Variants in HSD11B1 observed in about 807,000 individuals in gnomAD.
HSD11B1 encodes the protein 11-beta-hydroxysteroid dehydrogenase 1.
A neutral mutation model predicts 22.1 loss-of-function variants in HSD11B1; 15 were observed. The observed-to-expected ratio is 0.68, with a 90% confidence interval of 0.45 to 1.04. The LOEUF (loss-of-function observed/expected upper bound fraction) is 1.04. Among genes scored for constraint, HSD11B1 ranks in the 50% least tolerant of loss-of-function variants. HSD11B1 has a pLI of 0.00. For missense variants in HSD11B1, 281 were observed against 357.6 expected, an observed-to-expected ratio of 0.79 and a Z score of 1.73; for synonymous variants, 122 against 125.2, an observed-to-expected ratio of 0.97 and a Z score of 0.17.
chr1:209,716,753 A>G (rs1163721960), intron 4 of HSD11B1, among the ~76,000 whole-genome samples: 3 of 152,180 alleles, frequency 2.0e-5, no homozygotes, highest in Non-Finnish European at 4.4e-5. Context: ...AAATAAACCG[A>G]TGTATTCACA....
At chr1:209,715,858 A>G (rs1033298024) in intron 4 of HSD11B1, among the ~76,000 whole-genome samples, 4 of 152,206 alleles carry the variant, frequency 2.6e-5, no homozygotes, top group Non-Finnish European at 5.9e-5. Flanking sequence ...AAAGTTAAAC[A>G]AGGAAGACGG....
intron 1 of HSD11B1, among the ~76,000 whole-genome samples, chr1:209,687,464 T>G (rs1310535832): frequency 6.6e-6 from 1 of 152,248 alleles, no homozygotes; most frequent in Admixed American, 6.5e-5. Flanking sequence ...ATCCTAGCTC[T>G]TTCTTTATAC....
At chr1:209,703,252 T>A (rs1212025668), upstream of HSD11B1, among the ~76,000 whole-genome samples, 1 of 152,206 alleles carries the variant, frequency 6.6e-6, no homozygotes, top group Non-Finnish European at 1.5e-5. Flanking sequence ...TCCAAATAAC[T>A]TTTCATTGTT....
chr1:209,727,056 A>G (rs543403487), intron 4 of HSD11B1, among the ~76,000 whole-genome samples: 3 of 152,356 alleles, frequency 2.0e-5, no homozygotes, highest in South Asian at 4.1e-4. Context: ...GATGTAACTA[A>G]GATCTCAAGA....
At chr1:209,707,815 G>T (rs760752564) in intron 4 of HSD11B1, among the ~76,000 whole-genome samples, 2 of 152,088 alleles carry the variant, frequency 1.3e-5, no homozygotes, top group African/African-American at 2.4e-5. Context: ...ATGACCAAAA[G>T]GTTGGTGAAG....
At chr1:209,690,580 C>T (rs1338127525) in intron 1 of HSD11B1, among the ~76,000 whole-genome samples, 3 of 152,050 alleles carry the variant, frequency 2.0e-5, no homozygotes, top group East Asian at 3.9e-4. Context: ...ACCTGTAATC[C>T]CATCTACTCA....
chr1:209,711,877 A>G (rs2076898213), intron 4 of HSD11B1, among the ~76,000 whole-genome samples: 2 of 151,792 alleles, frequency 1.3e-5, no homozygotes, highest in Non-Finnish European at 2.9e-5. Context: ...AGGGAGGAAG[A>G]CTCTTTGATG....
intron 4 of HSD11B1, 64 bp from the exon 5 acceptor site, chr1:209,732,372 T>C (rs2077040840): frequency 2.5e-6 from 4 of 1,570,836 alleles, no homozygotes; most frequent in Non-Finnish European, 3.5e-6. Flanking sequence ...CAAAGCCTAC[T>C]ACAGCTCTGT....
chr1:209,686,993 T>C (rs1194923286), intron 1 of HSD11B1, among the ~76,000 whole-genome samples: 2 of 152,212 alleles, frequency 1.3e-5, no homozygotes, highest in African/African-American at 4.8e-5. Flanking sequence ...TCCCAACACT[T>C]GTTTCAGGTC....
At chr1:209,733,675 CAT>C (rs1273354086) in intron 5 of HSD11B1, among the ~76,000 whole-genome samples, 2 of 152,016 alleles carry the variant, frequency 1.3e-5, no homozygotes, top group Non-Finnish European at 2.9e-5. Context: ...TTATCTAAAA[CAT>C]GTGGCAGATA....
At chr1:209,700,097 T>A (rs2076817517), upstream of HSD11B1, among the ~76,000 whole-genome samples, 1 of 152,160 alleles carries the variant, frequency 6.6e-6, no homozygotes, top group Admixed American at 6.5e-5. Context: ...GGATCTACCA[T>A]TCTGGGGTCT....
intron 1 of HSD11B1, among the ~76,000 whole-genome samples, chr1:209,689,415 C>G (rs1377811367): frequency 1.3e-5 from 2 of 152,174 alleles, no homozygotes; most frequent in African/African-American, 2.4e-5. Flanking sequence ...CCCTCACACA[C>G]AAAGCTTCCA....
At chr1:209,705,242 A>G (rs1403463754) in intron 1 of HSD11B1, among the ~76,000 whole-genome samples, 1 of 152,130 alleles carries the variant, frequency 6.6e-6, no homozygotes, top group Non-Finnish European at 1.5e-5. Flanking sequence ...AAATCTAGCC[A>G]AATAGGCCAT....
Position 209,705,773 on chromosome 1 carries a change from C to T in HSD11B1, c.89-38C>T, listed in dbSNP as rs1403052039. On this transcript the variant is annotated intron_variant, in intron 1 of 5. Coordinates refer to ENST00000367027, the MANE Select transcript of HSD11B1 (RefSeq NM_005525.4). Reference sequence around the variant, plus strand: ...GAGGGAGAAGGAATTTTGCTGCCAACTTGGGTATGGTCCTCACTTCCTTTT... The same window carrying T: ...GAGGGAGAAGGAATTTTGCTGCCAATTTGGGTATGGTCCTCACTTCCTTTT... 4 of 1,612,092 alleles carry T rather than the reference C, an allele frequency of 2.5e-6. No homozygotes were observed. The African/African-American group carries it at 4.0e-5, about 16-fold the overall frequency.
intron 4 of HSD11B1, among the ~76,000 whole-genome samples, chr1:209,713,486 C>A (rs1471330252): frequency 6.6e-6 from 1 of 152,098 alleles, no homozygotes; most frequent in Non-Finnish European, 1.5e-5. Flanking sequence ...CTTTTCATAA[C>A]CTTTTATGAG....
chr1:209,711,055 G>A (rs1189224797), intron 4 of HSD11B1, among the ~76,000 whole-genome samples: 1 of 152,212 alleles, frequency 6.6e-6, no homozygotes, highest in Non-Finnish European at 1.5e-5. Context: ...CAAACCAACA[G>A]ATGAAGTCAC....
At chr1:209,708,190 A>G (rs2076872714) in intron 4 of HSD11B1, among the ~76,000 whole-genome samples, 1 of 152,186 alleles carries the variant, frequency 6.6e-6, no homozygotes, top group Admixed American at 6.5e-5. Flanking sequence ...TAGATCCAGG[A>G]GACAAGTTCC....
chr1:209,730,830 G>A (rs1041759141), intron 4 of HSD11B1, among the ~76,000 whole-genome samples: 7 of 152,098 alleles, frequency 4.6e-5, no homozygotes, highest in Non-Finnish European at 8.8e-5. Context: ...AGTGGCACCC[G>A]AAAGACCATC....
chr1:209,712,498 G>T (rs1335515563), intron 4 of HSD11B1, among the ~76,000 whole-genome samples: 1 of 152,178 alleles, frequency 6.6e-6, no homozygotes, highest in South Asian at 2.1e-4. Context: ...AAAGTACACA[G>T]GAGGATGTGC....
Sources: gnomAD v4.1 joint callset for allele counts (sites outside exome capture counted in the v4.1 genomes callset) on GRCh38, gnomAD v4.1.1 for gene constraint, MANE v1.5 for transcripts, NCBI Gene and HGNC (gene_info 2026-07-23, HGNC 2026-07-21) for gene names.